The following SMYD3 variants were observed in gnomAD, a reference collection of about 807,000 sequenced individuals.
SMYD3 encodes the protein histone-lysine N-methyltransferase SMYD3.
In SMYD3, 36 loss-of-function variants were observed where a neutral mutation model predicts 57.7. That is an observed-to-expected ratio of 0.62 (90% CI 0.48 to 0.82). The LOEUF is 0.82. Among genes scored for constraint, SMYD3 ranks in the 40% least tolerant of loss-of-function variants. The probability of loss-of-function intolerance (pLI) is 0.00; values close to 1 mark genes in which losing one functional copy is unlikely to be tolerated. For synonymous variants in SMYD3, 211 were observed against 195.0 expected, an observed-to-expected ratio of 1.08 and a Z score of -0.68; for missense variants, 515 against 538.8, an observed-to-expected ratio of 0.96 and a Z score of 0.44.
In SMYD3 at chr1:246,308,118, G is replaced by A. The variant is rs532822569; in HGVS notation, c.531+19083C>T. Among the ~76,000 whole-genome samples, 7 of 152,254 alleles carry A rather than the reference G, an allele frequency of 4.6e-5. No homozygotes were observed. In the South Asian group the frequency reaches 1.0e-3, roughly 23 times the overall value. On this transcript the variant is annotated intron_variant, in intron 5 of 11. Transcript: ENST00000490107. ...CTGTGAGCACCTCCATGTACTGAAC[G>A]TGGAAAGCAAGATTTACAAAAAGAA...
chr1:246,152,653 C>T lies in SMYD3; in HGVS notation c.531+174548G>A, dbSNP rs186835353. 2.3e-3 allele frequency among the ~76,000 whole-genome samples: 344 copies of T among 152,338 alleles called. 2 individuals are homozygous for T. The highest frequency in any genetic ancestry group is 3.8e-3 in the Non-Finnish European group (261 of 68,024). Reference sequence around the variant, plus strand: ...ATTAGATATACTTCCTCAATAAAGGCTTTTGAATGAAAGCAAATTTCATTT... The same window carrying T: ...ATTAGATATACTTCCTCAATAAAGGTTTTTGAATGAAAGCAAATTTCATTT... On this transcript the variant is annotated intron_variant, in intron 5 of 11. Transcript: ENST00000490107.
chr1:246,336,541 T>A (rs1361823891), intron 2 of SMYD3, among the ~76,000 whole-genome samples: 1 of 152,164 alleles, frequency 6.6e-6, no homozygotes, highest in Non-Finnish European at 1.5e-5. Context: ...AAAGTAAAGA[T>A]GTGTATGAAA....
chr1:246,012,329 C>A (rs1243991079), intron 5 of SMYD3, among the ~76,000 whole-genome samples: 1 of 152,192 alleles, frequency 6.6e-6, no homozygotes, highest in East Asian at 1.9e-4. Flanking sequence ...TATTTTATAG[C>A]AAATGTACCG....
rs557302234 is a variant in SMYD3, at chr1:246,187,097, G to A, written c.531+140104C>T. 5.0e-4 allele frequency among the ~76,000 whole-genome samples: 76 copies of A among 152,296 alleles called. No homozygotes were observed. In the South Asian group the frequency reaches 1.0e-2, roughly 20 times the overall value. Reference sequence around the variant, plus strand: ...CCACAGCTCCAGTCAAAAGATCTGCGTTTAAGAAAGGAGAAACAAGGTGGC... The same window carrying A: ...CCACAGCTCCAGTCAAAAGATCTGCATTTAAGAAAGGAGAAACAAGGTGGC... On this transcript the variant is annotated intron_variant, in intron 5 of 11. Transcript: ENST00000490107.
intron 10 of SMYD3, among the ~76,000 whole-genome samples, chr1:245,851,405 A>G (rs1474678883): frequency 6.6e-6 from 1 of 152,202 alleles, no homozygotes; most frequent in African/African-American, 2.4e-5. Context: ...ACTATGATCT[A>G]TACATCCAGG....
At chr1:245,873,838 G>A (rs748373721) in intron 8 of SMYD3, among the ~76,000 whole-genome samples, 2 of 152,220 alleles carry the variant, frequency 1.3e-5, no homozygotes, top group African/African-American at 2.4e-5. Flanking sequence ...CACTACGGAA[G>A]TGGAACTAAG....
chr1:245,958,136 C>T (rs939283827), intron 5 of SMYD3, among the ~76,000 whole-genome samples: 1 of 152,144 alleles, frequency 6.6e-6, no homozygotes, highest in Non-Finnish European at 1.5e-5. Flanking sequence ...GCTACTATCA[C>T]CCTCATTTCA....
At chr1:246,236,797 C>T (rs1311808177) in intron 5 of SMYD3, among the ~76,000 whole-genome samples, 1 of 152,146 alleles carries the variant, frequency 6.6e-6, no homozygotes, top group Non-Finnish European at 1.5e-5. Flanking sequence ...CAGGTGTGAG[C>T]CACCATGCCC....
At chr1:246,038,328 A>C (rs1294249462) in intron 5 of SMYD3, among the ~76,000 whole-genome samples, 2 of 152,198 alleles carry the variant, frequency 1.3e-5, no homozygotes, top group African/African-American at 4.8e-5. Context: ...ACTGTACCTT[A>C]AGCTAGTCAG....
intron 11 of SMYD3, among the ~76,000 whole-genome samples, chr1:245,751,921 C>T (rs749888753): frequency 2.6e-5 from 4 of 152,228 alleles, no homozygotes; most frequent in Non-Finnish European, 5.9e-5. Context: ...GCAAGCAGCC[C>T]AGCTCTATGA....
At chr1:246,437,865 C>T (rs74904235) in intron 1 of SMYD3, among the ~76,000 whole-genome samples, 3,517 of 152,254 alleles carry the variant, frequency 0.023, 142 homozygotes, top group African/African-American at 0.08. Flanking sequence ...ATAAATTATA[C>T]TGAGAATTCA....
chr1:246,112,539 T>C (rs1027474321), intron 5 of SMYD3, among the ~76,000 whole-genome samples: 1 of 152,170 alleles, frequency 6.6e-6, no homozygotes, highest in Non-Finnish European at 1.5e-5. Context: ...TACACATAAA[T>C]TGCTAACAAA....
intron 8 of SMYD3, among the ~76,000 whole-genome samples, chr1:245,867,511 T>C (rs1265258779): frequency 6.6e-6 from 1 of 152,168 alleles, no homozygotes; most frequent in Non-Finnish European, 1.5e-5. Context: ...CACTCATTTA[T>C]TCCATTAACA....
chr1:245,765,933 T>G (rs1368322304), intron 10 of SMYD3, among the ~76,000 whole-genome samples: 1 of 152,144 alleles, frequency 6.6e-6, no homozygotes, highest in Non-Finnish European at 1.5e-5. Context: ...GACAGGTATG[T>G]TCTCTGAAAA....
At chr1:246,228,540 G>A (rs566563248) in intron 5 of SMYD3, among the ~76,000 whole-genome samples, 1 of 152,100 alleles carries the variant, frequency 6.6e-6, no homozygotes, top group Non-Finnish European at 1.5e-5. Flanking sequence ...CACTTGACCT[G>A]ATCTCTTTCC....
intron 5 of SMYD3, among the ~76,000 whole-genome samples, chr1:246,139,110 A>G (rs2061711538): frequency 6.6e-6 from 1 of 152,196 alleles, no homozygotes; most frequent in Non-Finnish European, 1.5e-5. Flanking sequence ...TAATGGCGAA[A>G]CTCACAGCAG....
intron 5 of SMYD3, among the ~76,000 whole-genome samples, chr1:246,082,409 C>G (rs1392491663): frequency 2.0e-5 from 3 of 152,142 alleles, no homozygotes; most frequent in African/African-American, 7.2e-5. Context: ...CCCCCCTGGA[C>G]CTGTGACTTA....
At position 246,358,877 on chromosome 1, in the gene SMYD3, T is replaced by A. The variant is rs370229399; in HGVS notation, c.165-3783A>T. 9.2e-4 allele frequency among the ~76,000 whole-genome samples: 139 copies of A among 151,862 alleles called. 2 individuals are homozygous for A. The highest frequency in any genetic ancestry group is 3.1e-3 in the African/African-American group (130 of 41,380). On this transcript the variant is annotated intron_variant, in intron 1 of 11. Coordinates refer to ENST00000490107, the MANE Select transcript of SMYD3 (RefSeq NM_001167740.2). ...ATCGAAAAGCCTGAAGGAGCACAAATAGACAATCTAAGGCTACACCTCACA... is the reference window on the plus strand; with the variant it reads ...ATCGAAAAGCCTGAAGGAGCACAAAAAGACAATCTAAGGCTACACCTCACA...
At chr1:246,329,060 T>C (rs1030718743) in intron 4 of SMYD3, among the ~76,000 whole-genome samples, 2 of 152,224 alleles carry the variant, frequency 1.3e-5, no homozygotes, top group African/African-American at 4.8e-5. Flanking sequence ...ATGGTGTATA[T>C]GTGCCATATT....
Sources: allele counts gnomAD v4.1 joint callset (sites outside exome capture counted in the v4.1 genomes callset), GRCh38; gene constraint gnomAD v4.1.1; transcripts MANE v1.5; gene names NCBI Gene and HGNC (gene_info 2026-07-23, HGNC 2026-07-21).